The following BUB3 variants were observed in gnomAD, a reference collection of about 807,000 sequenced individuals.
BUB3 encodes mitotic checkpoint protein BUB3.
Under a neutral mutation model 39.9 loss-of-function variants are expected in BUB3, and 22 were observed. That is an observed-to-expected ratio of 0.55 (90% CI 0.39 to 0.79). The LOEUF (loss-of-function observed/expected upper bound fraction) is 0.79, where lower values mean the gene tolerates loss of function less well. Ranked by LOEUF, BUB3 falls within the 30% of genes least tolerant of loss-of-function variation. The pLI, the probability that BUB3 is intolerant of heterozygous loss-of-function variation, is 0.00. For missense variants in BUB3, 303 were observed against 415.4 expected (o/e 0.73, Z 2.35); for synonymous variants, 168 against 155.1 (o/e 1.08, Z -0.62).
rs1303071034 is a variant in BUB3 at position 123,162,128 on chromosome 10, C to T, written c.577-108C>T. The T allele has an allele frequency of 5.2e-5, 52 of 1,004,722 alleles. No individual in the cohort carries two copies. In the South Asian group the frequency reaches 8.0e-4, roughly 15 times the overall value. The allele number at this position is 1,004,722 out of a possible 1,614,324, so 62.2% of individuals were successfully genotyped here. A position where few individuals can be genotyped will look rare whatever the true frequency, so the allele number is the denominator to read the frequency against. On this transcript the variant is annotated intron_variant, in intron 5 of 7. Coordinates refer to ENST00000368865, the MANE Select transcript of BUB3 (RefSeq NM_004725.4). ...CACTTCATTAAAGCCTGCTGTACTT[C>T]TCATTTCTGAAATAATCACTCTTTA...
chr10:123,164,507 A>C lies in BUB3; in HGVS notation c.*672A>C, dbSNP rs1165878458. On this transcript the variant is annotated 3_prime_UTR_variant, in exon 8 of 8. Transcript: ENST00000368865. Reference sequence around the variant, plus strand: ...TATTTATTAGCAAACAATTGATCCCAGAAGGGCAAATTGTTTGAGTCAGTA... The same window carrying C: ...TATTTATTAGCAAACAATTGATCCCCGAAGGGCAAATTGTTTGAGTCAGTA... The C allele has an allele frequency of 4.4e-5, 43 of 985,728 alleles. No individual in the cohort carries two copies. Among genetic ancestry groups the C allele is most frequent in the Non-Finnish European group, 5.1e-5 (42 of 830,222 alleles). 61.1% of individuals were successfully genotyped at this position (985,728 alleles called of 1,614,324 possible).
In BUB3 at chr10:123,162,409, C is replaced by T; in HGVS notation, c.750C>T (p.Ala250=). 6.2e-7 allele frequency: 1 copy of T among 1,613,312 alleles called. No homozygotes were observed. The highest frequency in any genetic ancestry group is 1.1e-5 in the South Asian group (1 of 91,006). Residue 250 remains alanine, a synonymous_variant, in exon 6 of 8, where the codon GCC becomes GCT. Transcript: ENST00000368865. Reference sequence around the variant, plus strand: ...TTCACAATATCCACAATACATTTGCCACAGGTAAAGTATGGCATGCTGACC... The same window carrying T: ...TTCACAATATCCACAATACATTTGCTACAGGTAAAGTATGGCATGCTGACC... ...ISFHNIHNTF[A]TGGSDGFVNI...
At chr10:123,156,005 G>C (rs1384601162) in intron 3 of BUB3, among the ~76,000 whole-genome samples, 1 of 152,168 alleles carries the variant, frequency 6.6e-6, no homozygotes, top group Non-Finnish European at 1.5e-5. Flanking sequence ...GTCCTTAGAA[G>C]TGGGCTGGAT....
At chr10:123,162,475 G>T in intron 6 of BUB3, 62 bp downstream of exon 6, 1 of 1,577,076 alleles carries the variant, frequency 6.3e-7, no homozygotes. Flanking sequence ...GCTTTTTATG[G>T]TATTTAGTGA....
Position 123,163,975 on chromosome 10 carries a change from G to T in BUB3, c.*140G>T. 1 of 1,313,394 alleles carries T rather than the reference G, an allele frequency of 7.6e-7. No individual in the cohort carries two copies. The highest frequency in any genetic ancestry group is 3.0e-5 in the East Asian group (1 of 33,630). The allele number at this position is 1,313,394 out of a possible 1,614,324, so 81.4% of individuals were successfully genotyped here. A position where few individuals can be genotyped will look rare whatever the true frequency, so the allele number is the denominator to read the frequency against. ...ACAACCTGAAAATAATGGAAAAGAG[G>T]TTTTTGAATTTTTTTTTTTAAATAA... On this transcript the variant is annotated 3_prime_UTR_variant, in exon 8 of 8. Coordinates refer to ENST00000368865, the MANE Select transcript of BUB3 (RefSeq NM_004725.4).
intron 2 of BUB3, 89 bp from the exon 3 acceptor site, chr10:123,155,569 G>C: frequency 7.9e-7 from 1 of 1,264,588 alleles, no homozygotes; most frequent in Non-Finnish European, 1.1e-6. Flanking sequence ...CATATCCCGA[G>C]CATAAACTGA....
Position 123,164,444 on chromosome 10 carries a change from A to G in BUB3, c.*609A>G, listed in dbSNP as rs1844462166. 2.0e-6 allele frequency: 2 copies of G among 985,578 alleles called. No individual in the cohort carries two copies. The highest frequency in any genetic ancestry group is 2.3e-4 in the East Asian group (2 of 8,842). The allele number at this position is 985,578 out of a possible 1,614,324, so 61.1% of individuals were successfully genotyped here. On this transcript the variant is annotated 3_prime_UTR_variant, in exon 8 of 8. Coordinates refer to ENST00000368865, the MANE Select transcript of BUB3 (RefSeq NM_004725.4). The stretch of plus-strand genomic sequence containing the variant: ...TTAGGGTGCAGAAGGAAAACTAATA[A>G]GAAAACCTCCTAATATCATTTTGTG...
Position 123,165,031 on chromosome 10 carries a change from AT to A in BUB3, c.*1200del. On this transcript the variant is annotated 3_prime_UTR_variant, in exon 8 of 8. Transcript: ENST00000368865. ...AGTCTGAACCCATCTTTTGAAATGT[AT>A]TTTCTTCATTGCAGGTCCACCTAAT... 6.2e-7 allele frequency: 1 copy of A among 1,611,894 alleles called. No individual in the cohort carries two copies. The highest frequency in any genetic ancestry group is 1.1e-5 in the South Asian group (1 of 90,922).
At position 123,168,763 on chromosome 10, in the gene BUB3, G is replaced by A; in HGVS notation, c.*4928G>A. On this transcript the variant is annotated 3_prime_UTR_variant, in exon 8 of 8. Transcript: ENST00000368865. ...AGACCGGGTTTCATCATGTTGGCCA[G>A]GTTGGTCTTGAACTCCTGACTTCAG... 1 of 152,282 alleles carries A rather than the reference G, an allele frequency of 6.6e-6. No individual in the cohort carries two copies. Among genetic ancestry groups the A allele is most frequent in the Non-Finnish European group, 1.5e-5 (1 of 68,044 alleles). 9.4% of individuals were successfully genotyped at this position (152,282 alleles called of 1,614,324 possible). A position where few individuals can be genotyped will look rare whatever the true frequency, so the allele number is the denominator to read the frequency against.
At chr10:123,155,751 G>GTT (rs1263165899) in intron 3 of BUB3, 24 bp downstream of exon 3, 1 of 1,608,182 alleles carries the variant, frequency 6.2e-7, no homozygotes, top group African/African-American at 1.3e-5. Flanking sequence ...ATCTTTACCA[G>GTT]TTTGTTTTCT....
intron 4 of BUB3, among the ~76,000 whole-genome samples, chr10:123,159,893 G>A (rs1353433480): frequency 1.3e-5 from 2 of 152,118 alleles, no homozygotes; most frequent in African/African-American, 4.8e-5. Flanking sequence ...TTTATTCCAT[G>A]TAACAACTGG....
intron 4 of BUB3, 119 bp downstream of exon 4, chr10:123,157,999 A>AGTCAACATGGGG (rs1401042977): frequency 1.8e-6 from 2 of 1,099,224 alleles, no homozygotes; most frequent in African/African-American, 3.2e-5. Flanking sequence ...GGGGGAAAAA[A>AGTCAACATGGGG]GGTTGACAGT....
At position 123,166,490 on chromosome 10, in the gene BUB3, G is replaced by A. The variant is rs188177930; in HGVS notation, c.*2655G>A. 1 of 152,116 alleles carries A rather than the reference G, an allele frequency of 6.6e-6. No individual in the cohort carries two copies. Among genetic ancestry groups the A allele is most frequent in the African/African-American group, 2.4e-5 (1 of 41,438 alleles). 9.4% of individuals were successfully genotyped at this position (152,116 alleles called of 1,614,324 possible). A position where few individuals can be genotyped will look rare whatever the true frequency, so the allele number is the denominator to read the frequency against. ...TTTCTTTGCTTTTTAAGAAATCCTG[G>A]CTATGTCACCTTGAATTGATTTTAC... On this transcript the variant is annotated 3_prime_UTR_variant, in exon 8 of 8. Coordinates refer to ENST00000368865, the MANE Select transcript of BUB3 (RefSeq NM_004725.4).
chr10:123,169,885 A>G lies in BUB3; in HGVS notation c.*6050A>G, dbSNP rs1186203848. 6.6e-6 allele frequency: 1 copy of G among 152,198 alleles called. No homozygotes were observed. The highest frequency in any genetic ancestry group is 1.5e-5 in the Non-Finnish European group (1 of 68,052). The allele number at this position is 152,198 out of a possible 1,614,324, so 9.4% of individuals were successfully genotyped here. A position where few individuals can be genotyped will look rare whatever the true frequency, so the allele number is the denominator to read the frequency against. ...GAGCCTGGGCAACATGGCGTGACCC[A>G]TCTCTACAAAAGATACAAAAATTAA... On this transcript the variant is annotated 3_prime_UTR_variant, in exon 8 of 8. Coordinates refer to ENST00000368865, the MANE Select transcript of BUB3 (RefSeq NM_004725.4).
At position 123,166,015 on chromosome 10, in the gene BUB3, T is replaced by C. The variant is rs528885250; in HGVS notation, c.*2180T>C. On this transcript the variant is annotated 3_prime_UTR_variant, in exon 8 of 8. Transcript: ENST00000368865. ...TGTTTTTGAGGTGGTGAGGGAGGGC[T>C]TATTTTGTGGTTCCATCTGGATGTC... 6.6e-6 allele frequency: 1 copy of C among 152,328 alleles called. No homozygotes were observed. The highest frequency in any genetic ancestry group is 1.9e-4 in the East Asian group (1 of 5,178). 9.4% of individuals were successfully genotyped at this position (152,328 alleles called of 1,614,324 possible). A position where few individuals can be genotyped will look rare whatever the true frequency, so the allele number is the denominator to read the frequency against.
At chr10:123,154,598 C>T (rs1844320411) in intron 1 of BUB3, 113 bp downstream of exon 1, 1 of 256,306 alleles carries the variant, frequency 3.9e-6, no homozygotes, top group Non-Finnish European at 7.4e-6. Context: ...CTGTTGTTTT[C>T]CCTTTATTTT....
intron 5 of BUB3, among the ~76,000 whole-genome samples, chr10:123,161,352 C>G (rs1206351029): frequency 6.6e-6 from 1 of 152,144 alleles, no homozygotes; most frequent in African/African-American, 2.4e-5. Context: ...GCCAGTACCT[C>G]AAATGGTGAT....
chr10:123,160,395 CT>C lies in BUB3; in HGVS notation c.418-6del. 1.3e-6 allele frequency: 2 copies of C among 1,500,686 alleles called. No individual in the cohort carries two copies. The highest frequency in any genetic ancestry group is 1.3e-5 in the South Asian group (1 of 74,752). The allele number at this position is 1,500,686 out of a possible 1,614,324, so 93.0% of individuals were successfully genotyped here. ...AAGGTGATTTTTAGCAAGTTTTGAT[CT>C]TTTTTAAAAGGTATATACCCTCTCA... On this transcript the variant is annotated splice_polypyrimidine_tract_variant and intron_variant, in intron 4 of 7. Transcript: ENST00000368865.
Position 123,157,747 on chromosome 10 carries a change from A to T in BUB3, c.284A>T (p.His95Leu), listed in dbSNP as rs762726735. ...NTDQENLVGT[H>L]DAPIRCVEYC... Reference sequence around the variant, plus strand: ...TCTATAGAAAATCTTGTTGGGACCCATGATGCCCCTATCAGATGTGTTGAA... The same window carrying T: ...TCTATAGAAAATCTTGTTGGGACCCTTGATGCCCCTATCAGATGTGTTGAA... The change falls in exon 4 of 8, where the codon CAT (histidine) becomes CTT (leucine). Residue 95 changes from histidine (H) to leucine (L), a missense_variant. His to Leu is a moderately conservative substitution (Grantham distance 99, BLOSUM62 -3). Coordinates refer to ENST00000368865, the MANE Select transcript of BUB3 (RefSeq NM_004725.4). 1 of 1,604,378 alleles carries T rather than the reference A, an allele frequency of 6.2e-7. No individual in the cohort carries two copies. Among genetic ancestry groups the T allele is most frequent in the South Asian group, 1.1e-5 (1 of 88,968 alleles).
Sources: gnomAD v4.1 joint callset for allele counts (sites outside exome capture counted in the v4.1 genomes callset) on GRCh38, gnomAD v4.1.1 for gene constraint, MANE v1.5 for transcripts, NCBI Gene and HGNC (gene_info 2026-07-23, HGNC 2026-07-21) for gene names.